The following SHISA5 variants were observed in gnomAD, a reference collection of about 807,000 sequenced individuals.
The protein encoded by SHISA5 is shisa family member 5.
In SHISA5, 21 loss-of-function variants were observed where a neutral mutation model predicts 27.5. That is an observed-to-expected ratio of 0.76 (90% CI 0.54 to 1.10). SHISA5 has a LOEUF of 1.10. Ranked by LOEUF, SHISA5 falls within the 50% of genes least tolerant of loss-of-function variation. The pLI is 0.00. For synonymous variants in SHISA5, 137 were observed against 142.2 expected (o/e 0.96, Z 0.26); for missense variants, 314 against 336.3 (o/e 0.93, Z 0.52).
chr3:48,484,012 C>CAA (rs2041119229), intron 2 of SHISA5, among the ~76,000 whole-genome samples: 1 of 152,140 alleles, frequency 6.6e-6, no homozygotes, highest in Non-Finnish European at 1.5e-5. Context: ...CCACTGCACC[C>CAA]AGCCAAATAC....
rs2040731201 is a variant in SHISA5 at position 48,473,942 on chromosome 3, T to C, written c.315-4099A>G. Among the ~76,000 whole-genome samples the C allele has an allele frequency of 6.7e-6, 1 of 149,530 alleles. No homozygotes were observed. Among genetic ancestry groups the C allele is most frequent in the Admixed American group, 6.7e-5 (1 of 14,916 alleles). On this transcript the variant is annotated intron_variant, in intron 3 of 5. Coordinates refer to ENST00000296444, the MANE Select transcript of SHISA5 (RefSeq NM_016479.6). The surrounding 1 kb of genome is among the most constrained non-coding windows in gnomAD (Gnocchi z 4.3). Reference sequence around the variant, plus strand: ...TTAGCCAGGCTTGGTGGCACGCACCTGTAATCCCAGCTACTCAGGAGGCTT... The same window carrying C: ...TTAGCCAGGCTTGGTGGCACGCACCCGTAATCCCAGCTACTCAGGAGGCTT...
At chr3:48,490,333 G>C (rs998178064) in intron 2 of SHISA5, among the ~76,000 whole-genome samples, 8 of 152,154 alleles carry the variant, frequency 5.3e-5, no homozygotes, top group African/African-American at 1.9e-4. Context: ...TCGGCTTCCC[G>C]AAGTGGTAGG....
At chr3:48,503,703 C>T in intron 1 of SHISA5, 6 of 1,167,556 alleles carry the variant, frequency 5.1e-6, no homozygotes, top group Non-Finnish European at 6.4e-6. Context: ...CAGACTAAAG[C>T]CAGGCAGGGA....
intron 2 of SHISA5, among the ~76,000 whole-genome samples, chr3:48,489,191 T>C (rs1230854956): frequency 2.8e-4 from 41 of 146,074 alleles, no homozygotes; most frequent in Admixed American, 2.7e-3. Flanking sequence ...TAAAACATTA[T>C]GAGATTTTTT....
At chr3:48,477,023 C>T (rs1256644425) in intron 3 of SHISA5, 1 of 441,846 alleles carries the variant, frequency 2.3e-6, no homozygotes, top group African/African-American at 2.0e-5. Context: ...CCCAGGAAGC[C>T]ACTCCTCCTC....
Position 48,473,335 on chromosome 3 carries a change from G to T in SHISA5, c.315-3492C>A, listed in dbSNP as rs2040710811. Reference sequence around the variant, plus strand: ...CTACAGGGCCTGACCTCAGAATGCAGCCTGGCCACTAGGGGGTCTAAGAGC... The same window carrying T: ...CTACAGGGCCTGACCTCAGAATGCATCCTGGCCACTAGGGGGTCTAAGAGC... On this transcript the variant is annotated intron_variant, in intron 3 of 5. Transcript: ENST00000296444. This position sits in a 1 kb window ranked among gnomAD's most constrained non-coding sequence, Gnocchi z 4.3. The T allele has an allele frequency of 7.2e-7, 1 of 1,383,940 alleles. No homozygotes were observed. Among genetic ancestry groups the T allele is most frequent in the South Asian group, 1.3e-5 (1 of 79,824 alleles). The allele number at this position is 1,383,940 out of a possible 1,614,324, so 85.7% of individuals were successfully genotyped here.
chr3:48,474,859 C>CTG (rs2040766472), intron 3 of SHISA5, among the ~76,000 whole-genome samples: 1 of 152,110 alleles, frequency 6.6e-6, no homozygotes, highest in Admixed American at 6.6e-5. Context: ...TAACTCATTC[C>CTG]TGCTCACCCC....
At chr3:48,495,105 C>G (rs2041509108) in intron 2 of SHISA5, among the ~76,000 whole-genome samples, 1 of 146,590 alleles carries the variant, frequency 6.8e-6, no homozygotes. Flanking sequence ...CTCCACCTAG[C>G]CTATATCTCA....
At chr3:48,483,121 G>A (rs907564717) in intron 2 of SHISA5, among the ~76,000 whole-genome samples, 10 of 150,540 alleles carry the variant, frequency 6.6e-5, no homozygotes, top group African/African-American at 2.2e-4. Flanking sequence ...GATCATTCTT[G>A]GGTGTTTCTC....
chr3:48,479,457 T>A (rs1383690596), intron 2 of SHISA5, 200 bp from the exon 3 acceptor site: 1 of 590,498 alleles, frequency 1.7e-6, no homozygotes, highest in African/African-American at 1.9e-5. Flanking sequence ...CCAGACTGTC[T>A]CCAGGAGAGA....
chr3:48,482,361 C>T lies in SHISA5; in HGVS notation c.234-3104G>A, dbSNP rs530610473. Among the ~76,000 whole-genome samples, 82 of 145,056 alleles carry T rather than the reference C, an allele frequency of 5.7e-4. 1 individual carries two copies. The South Asian group carries it at 0.015, about 27-fold the overall frequency. On this transcript the variant is annotated intron_variant, in intron 2 of 5. Coordinates refer to ENST00000296444, the MANE Select transcript of SHISA5 (RefSeq NM_016479.6). ...TCCAGGCTGCAGTGAGCTGTGATCA[C>T]GCCACTGCACTCCAGCCTGGGCGAC...
rs1176213178 is a variant in SHISA5 at position 48,477,057 on chromosome 3, C to T, written c.314+2120G>A. 8 of 451,702 alleles carry T rather than the reference C, an allele frequency of 1.8e-5. No homozygotes were observed. The East Asian group carries it at 5.6e-4, about 32-fold the overall frequency. The allele number at this position is 451,702 out of a possible 1,614,324, so 28.0% of individuals were successfully genotyped here. On this transcript the variant is annotated intron_variant, in intron 3 of 5. Coordinates refer to ENST00000296444, the MANE Select transcript of SHISA5 (RefSeq NM_016479.6). ...TCCTATGCCCCTCTGGGAGCTTGTT[C>T]CGCACTGTCTCCTCCTTGTTGTCCC...
chr3:48,469,252 C>T lies in SHISA5; in HGVS notation c.644-66G>A, dbSNP rs2040496786. On this transcript the variant is annotated intron_variant, in intron 5 of 5. Coordinates refer to ENST00000296444, the MANE Select transcript of SHISA5 (RefSeq NM_016479.6). This position sits in a 1 kb window ranked among gnomAD's most constrained non-coding sequence, Gnocchi z 4.6. ...GGCTGCCGTGTGAGTGGCAGGCAAG[C>T]AGAAAGGGGCAGAGGCCTGTTGAGT... 6.3e-7 allele frequency: 1 copy of T among 1,587,120 alleles called. No homozygotes were observed. Among genetic ancestry groups the T allele is most frequent in the African/African-American group, 1.3e-5 (1 of 74,662 alleles).
At chr3:48,499,639 C>T (rs2041691862) in intron 2 of SHISA5, among the ~76,000 whole-genome samples, 1 of 140,436 alleles carries the variant, frequency 7.1e-6, no homozygotes, top group Admixed American at 7.2e-5. Context: ...AAGATCGCAC[C>T]ACCACATTCC....
intron 2 of SHISA5, among the ~76,000 whole-genome samples, chr3:48,488,731 G>A (rs2041329040): frequency 4.6e-5 from 7 of 150,962 alleles, no homozygotes; most frequent in Admixed American, 4.6e-4. Context: ...TACTAGGGAG[G>A]CTGAGGCAGC....
At chr3:48,488,768 G>A (rs2041330566) in intron 2 of SHISA5, among the ~76,000 whole-genome samples, 1 of 150,656 alleles carries the variant, frequency 6.6e-6, no homozygotes, top group Admixed American at 6.6e-5. Context: ...GGGAGGTGGA[G>A]GTTGCGGTGA....
intron 1 of SHISA5, chr3:48,503,268 A>T: frequency 1.1e-6 from 1 of 924,038 alleles, no homozygotes; most frequent in Non-Finnish European, 1.5e-6. Context: ...ACCTCACTGA[A>T]TCAGTGACCG....
At chr3:48,503,380 G>A (rs1395053588) in intron 1 of SHISA5, among the ~76,000 whole-genome samples, 1 of 152,164 alleles carries the variant, frequency 6.6e-6, no homozygotes, top group Non-Finnish European at 1.5e-5. Flanking sequence ...CCAGCCCCCA[G>A]GAAATACAGC....
At chr3:48,479,114 C>A in intron 3 of SHISA5, 63 bp downstream of exon 3, 2 of 1,444,278 alleles carry the variant, frequency 1.4e-6, no homozygotes, top group East Asian at 2.4e-5. Context: ...TGCACACTGG[C>A]CCCCCTGAGC....
Sources: gnomAD v4.1 joint callset for allele counts (sites outside exome capture counted in the v4.1 genomes callset) on GRCh38, gnomAD v4.1.1 for gene constraint, Gnocchi (gnomAD v3.1) non-coding constraint, MANE v1.5 for transcripts, NCBI Gene and HGNC (gene_info 2026-07-23, HGNC 2026-07-21) for gene names.